Variants in GPR176 observed in about 807,000 individuals in gnomAD.
GPR176 encodes the protein G protein-coupled receptor 176, also known as G-protein coupled receptor 176.
Under a neutral mutation model 35.4 loss-of-function variants are expected in GPR176, and 26 were observed. The ratio of observed to expected loss-of-function variants is 0.74; its 90% confidence interval spans 0.54 to 1.02. The LOEUF is 1.02. Among genes scored for constraint, GPR176 ranks in the 50% least tolerant of loss-of-function variants. The probability of loss-of-function intolerance (pLI) is 0.00; values close to 1 mark genes in which losing one functional copy is unlikely to be tolerated. For missense variants in GPR176, 597 were observed against 665.3 expected (o/e 0.90, Z 1.13); for synonymous variants, 278 against 271.3 (o/e 1.02, Z -0.24).
At chr15:39,886,626 A>T (rs2032685828) in intron 1 of GPR176, among the ~76,000 whole-genome samples, 1 of 152,226 alleles carries the variant, frequency 6.6e-6, no homozygotes, top group Non-Finnish European at 1.5e-5. Flanking sequence ...ACAAAGCTTG[A>T]GTCAAAGGCA....
chr15:39,865,985 T>C (rs571682158), intron 1 of GPR176, among the ~76,000 whole-genome samples: 49 of 152,140 alleles, frequency 3.2e-4, no homozygotes, highest in Non-Finnish European at 6.0e-4. Flanking sequence ...AAATAAATTA[T>C]ATACACACAG....
chr15:39,804,911 T>C (rs1899098412), intron 2 of GPR176, among the ~76,000 whole-genome samples: 1 of 152,152 alleles, frequency 6.6e-6, no homozygotes, highest in South Asian at 2.1e-4. Context: ...AGAGAGTAGA[T>C]TCATAGTTGT....
rs549994769 is a variant in GPR176, at chr15:39,879,591, C to T, written c.172+40264G>A. ...CTTTCCTCTCTAACCTCTTACTGGA[C>T]CCTCTGCAACTTGTTGCATGACAGG... On this transcript the variant is annotated intron_variant, in intron 1 of 2. Transcript: ENST00000561100. Among the ~76,000 whole-genome samples the T allele has an allele frequency of 5.9e-5, 9 of 152,266 alleles. No individual in the cohort carries two copies. The South Asian group carries it at 1.9e-3, about 32-fold the overall frequency.
At chr15:39,919,249 C>T in intron 1 of GPR176, among the ~76,000 whole-genome samples, 1 of 152,056 alleles carries the variant, frequency 6.6e-6, no homozygotes, top group Non-Finnish European at 1.5e-5. Flanking sequence ...GTACCTTAAA[C>T]AACACATAGA....
chr15:39,816,672 A>C (rs1282251307), intron 1 of GPR176, among the ~76,000 whole-genome samples: 2 of 152,230 alleles, frequency 1.3e-5, no homozygotes, highest in East Asian at 3.8e-4. Context: ...ATCATTATGG[A>C]AAGAGTTTTC....
At chr15:39,859,425 C>T (rs1348239945) in intron 1 of GPR176, among the ~76,000 whole-genome samples, 2 of 150,194 alleles carry the variant, frequency 1.3e-5, no homozygotes, top group African/African-American at 2.4e-5. Flanking sequence ...CACCACTAAT[C>T]ATCAGAGAAT....
At chr15:39,809,397 C>A (rs550066705) in intron 1 of GPR176, among the ~76,000 whole-genome samples, 3 of 151,736 alleles carry the variant, frequency 2.0e-5, no homozygotes, top group Non-Finnish European at 4.4e-5. Context: ...TGTGTGTGTG[C>A]GTGTGCATGT....
rs143522601 is a variant in GPR176, at chr15:39,844,804, C to T, written c.173-37546G>A. Among the ~76,000 whole-genome samples the T allele has an allele frequency of 3.0e-3, 456 of 152,224 alleles. 3 individuals carry two copies. The highest frequency in any genetic ancestry group is 0.011 in the African/African-American group (439 of 41,548). On this transcript the variant is annotated intron_variant, in intron 1 of 2. Coordinates refer to ENST00000561100, the MANE Select transcript of GPR176 (RefSeq NM_007223.3). The stretch of plus-strand genomic sequence containing the variant: ...TAAATGTCCCCTCAACCTCTTCCCT[C>T]CTGACATCCAACCAGAAAAGGTACT...
chr15:39,813,275 C>T (rs1899688869), intron 1 of GPR176: 1 of 152,176 alleles, frequency 6.6e-6, no homozygotes, highest in Non-Finnish European at 1.5e-5. Context: ...TGTGTAGACA[C>T]AAGTTTCTGT....
At position 39,882,348 on chromosome 15, in the gene GPR176, C is replaced by T. The variant is rs192725743; in HGVS notation, c.172+37507G>A. On this transcript the variant is annotated intron_variant, in intron 1 of 2. Coordinates refer to ENST00000561100, the MANE Select transcript of GPR176 (RefSeq NM_007223.3). ...AATTACAATCACATATGTACACTAG[C>T]ATGTATTTTGCCTTATAGTTAAGTG... Among the ~76,000 whole-genome samples, 32 of 152,274 alleles carry T rather than the reference C, an allele frequency of 2.1e-4. 1 individual carries two copies. Among genetic ancestry groups the T allele is most frequent in the Admixed American group, 3.3e-4 (5 of 15,298 alleles).
chr15:39,879,893 CCTT>C (rs2032407455), intron 1 of GPR176, among the ~76,000 whole-genome samples: 1 of 152,184 alleles, frequency 6.6e-6, no homozygotes, highest in South Asian at 2.1e-4. Flanking sequence ...CCAGGTAACT[CCTT>C]CTCATTTGCT....
rs1171613796 is a variant in GPR176 at position 39,836,193 on chromosome 15, A to T, written c.173-28935T>A. Among the ~76,000 whole-genome samples the T allele has an allele frequency of 5.3e-5, 8 of 152,206 alleles. 1 individual carries two copies. Among genetic ancestry groups the T allele is most frequent in the Non-Finnish European group, 1.2e-4 (8 of 68,028 alleles). On this transcript the variant is annotated intron_variant, in intron 1 of 2. Coordinates refer to ENST00000561100, the MANE Select transcript of GPR176 (RefSeq NM_007223.3). Reference sequence around the variant, plus strand: ...TGGAAAACATACCAGGGTCTTGGCCACTGTCATCAACACTGATATTGTTTG... The same window carrying T: ...TGGAAAACATACCAGGGTCTTGGCCTCTGTCATCAACACTGATATTGTTTG...
At chr15:39,878,972 G>C (rs542308475) in intron 1 of GPR176, among the ~76,000 whole-genome samples, 2 of 152,234 alleles carry the variant, frequency 1.3e-5, no homozygotes, top group Non-Finnish European at 2.9e-5. Context: ...ATGAGAGTAG[G>C]CGTTGCTGGA....
chr15:39,825,231 A>T (rs540186358), intron 1 of GPR176, among the ~76,000 whole-genome samples: 1 of 152,162 alleles, frequency 6.6e-6, no homozygotes, highest in African/African-American at 2.4e-5. Flanking sequence ...AGAGAAGTAT[A>T]GGAAGAAAGA....
intron 1 of GPR176, among the ~76,000 whole-genome samples, chr15:39,850,501 G>A (rs542345284): frequency 5.3e-5 from 8 of 152,108 alleles, no homozygotes; most frequent in Non-Finnish European, 1.2e-4. Flanking sequence ...TAACATTCTT[G>A]CAAAGACAAA....
chr15:39,885,720 T>C (rs902207517), intron 1 of GPR176, among the ~76,000 whole-genome samples: 5 of 152,154 alleles, frequency 3.3e-5, no homozygotes, highest in African/African-American at 7.2e-5. Context: ...GTAAGAAAAA[T>C]AGAAAATAAT....
intron 1 of GPR176, among the ~76,000 whole-genome samples, chr15:39,816,833 T>C (rs748359343): frequency 2.1e-4 from 32 of 152,058 alleles, no homozygotes; most frequent in Non-Finnish European, 3.7e-4. Flanking sequence ...GGCAGGAGGA[T>C]TGCTTGAGGC....
intron 1 of GPR176, among the ~76,000 whole-genome samples, chr15:39,907,792 G>C (rs72729444): frequency 0.025 from 3,866 of 152,122 alleles, 57 homozygotes; most frequent in Middle Eastern, 0.044. Flanking sequence ...TTAACTATCA[G>C]AAACTATTTA....
intron 1 of GPR176, among the ~76,000 whole-genome samples, chr15:39,855,740 T>A (rs1202431864): frequency 6.6e-6 from 1 of 152,226 alleles, no homozygotes; most frequent in Non-Finnish European, 1.5e-5. Flanking sequence ...TATCCTCTAA[T>A]AAAATACCCA....
Sources: gnomAD v4.1 joint callset for allele counts (sites outside exome capture counted in the v4.1 genomes callset) on GRCh38, gnomAD v4.1.1 for gene constraint, MANE v1.5 for transcripts, NCBI Gene and HGNC (gene_info 2026-07-23, HGNC 2026-07-21) for gene names.